The following EP400 variants were observed in gnomAD, a reference collection of about 807,000 sequenced individuals.
The protein encoded by EP400 is E1A-binding protein p400.
Under a neutral mutation model 354.1 loss-of-function variants are expected in EP400, and 105 were observed. The ratio of observed to expected loss-of-function variants is 0.30; its 90% CI spans 0.25 to 0.35. EP400 has a LOEUF of 0.35. Among genes scored for constraint, EP400 ranks in the 10% least tolerant of loss-of-function variants. The pLI is 1.00. For missense variants in EP400, 3,280 were observed against 4,121.0 expected (o/e 0.80, Z 5.59); for synonymous variants, 1,646 against 1,716.9 (o/e 0.96, Z 1.02).
Position 131,961,246 on chromosome 12 carries a change from C to T in EP400, c.627C>T (p.Leu209=). 6.8e-7 allele frequency: 1 copy of T among 1,466,290 alleles called. No homozygotes were observed. The allele number at this position is 1,466,290 out of a possible 1,614,324, so 90.8% of individuals were successfully genotyped here. ...TCGCCCAGGGAGCCCAGGTTCAGCT[C>T]CAGCACCCGGGTACGCCCATCACAG... The part of the protein sequence containing the change: ...TQIAQGAQVQ[L]QHPGTPITVR... The change falls in exon 2 of 53, where the codon CTC becomes CTT. Residue 209 remains leucine (L), a synonymous_variant. Coordinates refer to ENST00000389561, the MANE Select transcript of EP400 (RefSeq NM_015409.5).
Position 132,044,673 on chromosome 12 carries a change from G to A in EP400, c.6588G>A (p.Glu2196=). The change falls in exon 36 of 53, where the codon GAG becomes GAA. Residue 2196 remains glutamate (E), a splice_region_variant and synonymous_variant. Transcript: ENST00000389561. ...AGAGCTTGCCGTGTTCCCTACAGGA[G>A]TATGTCTACGAAGATGTCGATGGGC... ...TYTREDAYSM[E]YVYEDVDGQT... is the part of the protein sequence containing the mutation. 6.2e-7 allele frequency: 1 copy of A among 1,614,198 alleles called. No homozygotes were observed.
intron 12 of EP400, among the ~76,000 whole-genome samples, chr12:131,996,295 CTTT>C (rs575217796): frequency 2.3e-5 from 3 of 128,208 alleles, no homozygotes; most frequent in Non-Finnish European, 3.2e-5. Flanking sequence ...GGAAGGAACT[CTTT>C]TTTTTTTTTT....
In EP400 at chr12:132,013,724, CGT is replaced by C; in HGVS notation, c.3787-50_3787-49del. On this transcript the variant is annotated intron_variant, in intron 18 of 52. Coordinates refer to ENST00000389561, the MANE Select transcript of EP400 (RefSeq NM_015409.5). The surrounding 1 kb of genome is among the most constrained non-coding windows in gnomAD (Gnocchi z 4.5). ...AAACATGCGTATGCCTTGTTATAAA[CGT>C]GTTACAGCAGCATTTTTGGAAAGAA... 4 of 1,609,570 alleles carry C rather than the reference CGT, an allele frequency of 2.5e-6. No homozygotes were observed. Among genetic ancestry groups the C allele is most frequent in the Non-Finnish European group, 3.4e-6 (4 of 1,177,762 alleles).
intron 1 of EP400, among the ~76,000 whole-genome samples, chr12:131,952,209 A>C (rs1891528856): frequency 6.9e-6 from 1 of 145,216 alleles, no homozygotes; most frequent in Non-Finnish European, 1.5e-5. Flanking sequence ...AGGCTGAGGC[A>C]GGAGAATGGG....
chr12:132,059,903 G>A (rs1226250405), intron 45 of EP400, among the ~76,000 whole-genome samples: 2 of 151,770 alleles, frequency 1.3e-5, no homozygotes, highest in Non-Finnish European at 2.9e-5. Flanking sequence ...CGCGTGTGTA[G>A]TCCCAGCTAC....
At chr12:132,023,376 A>G (rs11246901) in intron 23 of EP400, among the ~76,000 whole-genome samples, 42,413 of 142,050 alleles carry the variant, frequency 0.3, 10,862 homozygotes, top group African/African-American at 0.71. Flanking sequence ...GGCTGGTCTC[A>G]AACTCCTGAC....
At chr12:131,966,082 T>C (rs1390052519) in intron 2 of EP400, among the ~76,000 whole-genome samples, 1 of 151,032 alleles carries the variant, frequency 6.6e-6, no homozygotes, top group Non-Finnish European at 1.5e-5. Context: ...TTTCTGGGTA[T>C]GTTGAACTTT....
chr12:131,991,581 T>C lies in EP400; in HGVS notation c.2679+125T>C, dbSNP rs567587821. 1,680 of 890,698 alleles carry C rather than the reference T, an allele frequency of 1.9e-3. 13 individuals carry two copies. Among genetic ancestry groups the C allele is most frequent in the Admixed American group, 0.018 (729 of 39,738 alleles). 55.2% of individuals were successfully genotyped at this position (890,698 alleles called of 1,614,324 possible). A position where few individuals can be genotyped will look rare whatever the true frequency, so the allele number is the denominator to read the frequency against. On this transcript the variant is annotated intron_variant, in intron 10 of 52. Coordinates refer to ENST00000389561, the MANE Select transcript of EP400 (RefSeq NM_015409.5). ...ACTATTACTTCCTTTCTTTTCTTTT[T>C]TTTTTTTTTTTGTTTTAGAGACAGA...
chr12:132,021,296 C>G lies in EP400; in HGVS notation c.4665C>G (p.Pro1555=), dbSNP rs1273702899. 1.3e-6 allele frequency: 2 copies of G among 1,525,844 alleles called. No homozygotes were observed. The highest frequency in any genetic ancestry group is 1.4e-5 in the African/African-American group (1 of 72,074). 94.5% of individuals were successfully genotyped at this position (1,525,844 alleles called of 1,614,324 possible). The change falls in exon 23 of 53, where the codon CCC becomes CCG. Residue 1555 remains proline (P), a synonymous_variant. Coordinates refer to ENST00000389561, the MANE Select transcript of EP400 (RefSeq NM_015409.5). The part of the protein sequence containing the change: ...QSALPQRLVL[P]SQAQARLPSG... ...CGCTGCCTCAGAGGCTGGTGCTCCCCTCGCAGGCCCAGGCCCGCTTGCCCA... is the reference window on the plus strand; with the variant it reads ...CGCTGCCTCAGAGGCTGGTGCTCCCGTCGCAGGCCCAGGCCCGCTTGCCCA...
chr12:132,043,858 T>C, intron 34 of EP400, 130 bp downstream of exon 34: 1 of 900,782 alleles, frequency 1.1e-6, no homozygotes, highest in Non-Finnish European at 1.7e-6. Context: ...GGAAATGAAC[T>C]TAAAATGAAG....
At position 132,018,147 on chromosome 12, in the gene EP400, T is replaced by A. The variant is rs1316500115; in HGVS notation, c.4111-63T>A. On this transcript the variant is annotated intron_variant, in intron 20 of 52. Transcript: ENST00000389561. The surrounding 1 kb of genome is among the most constrained non-coding windows in gnomAD (Gnocchi z 4.0). ...TAGGGCCCTGCCATAGAAATCAGTT[T>A]TGATTCTTAGGTGCTTTTTTTGCCT... The A allele has an allele frequency of 1.3e-6, 2 of 1,592,466 alleles. No individual in the cohort carries two copies. Among genetic ancestry groups the A allele is most frequent in the African/African-American group, 2.7e-5 (2 of 73,310 alleles).
At position 132,079,572 on chromosome 12, in the gene EP400, G is replaced by C. The variant is rs1039824259; in HGVS notation, c.*1899G>C. ...AAATCTTGGTAGTCTCCTTATAGTT[G>C]AAGATAAAATGTTGAGTGCACTTAT... On this transcript the variant is annotated 3_prime_UTR_variant, in exon 53 of 53. Transcript: ENST00000389561. 2.0e-5 allele frequency: 3 copies of C among 152,228 alleles called. No homozygotes were observed. Among genetic ancestry groups the C allele is most frequent in the Non-Finnish European group, 4.4e-5 (3 of 68,040 alleles). 9.4% of individuals were successfully genotyped at this position (152,228 alleles called of 1,614,324 possible).
intron 51 of EP400, among the ~76,000 whole-genome samples, chr12:132,073,386 C>T (rs892444157): frequency 1.3e-5 from 2 of 150,620 alleles, no homozygotes; most frequent in Admixed American, 6.6e-5. Context: ...CAGCAATGAT[C>T]TTATCACACA....
intron 30 of EP400, among the ~76,000 whole-genome samples, chr12:132,036,716 T>C (rs972220911): frequency 6.6e-6 from 1 of 152,274 alleles, no homozygotes; most frequent in Non-Finnish European, 1.5e-5. Context: ...GTTTTGTTTC[T>C]TATGCTTTTA....
Position 132,062,281 on chromosome 12 carries a change from G to A in EP400, c.8056G>A (p.Val2686Met), listed in dbSNP as rs765171771. The A allele has an allele frequency of 6.2e-7, 1 of 1,614,230 alleles. No homozygotes were observed. Among genetic ancestry groups the A allele is most frequent in the South Asian group, 1.1e-5 (1 of 91,088 alleles). The change falls in exon 46 of 53, where the codon GTG becomes ATG. Residue 2686 changes from valine (V) to methionine (M), a missense_variant. Coordinates refer to ENST00000389561, the MANE Select transcript of EP400 (RefSeq NM_015409.5). ...CGTGGTCACTACCAACCTGACCCCA[G>A]TGCAGACCCCGGCACGGTCTTTGGT... ...SAVVTTNLTP[V>M]QTPARSLVPQ...
chr12:132,024,806 C>T (rs1163930883), intron 24 of EP400, among the ~76,000 whole-genome samples: 1 of 151,296 alleles, frequency 6.6e-6, no homozygotes, highest in Non-Finnish European at 1.5e-5. Context: ...GCCTCCCCGC[C>T]ACCCCCCCAC....
At position 132,077,593 on chromosome 12, in the gene EP400, A is replaced by G. The variant is rs774498140; in HGVS notation, c.9292A>G (p.Ser3098Gly). The change falls in exon 53 of 53, where the codon AGC (serine) becomes GGC (glycine). Residue 3098 changes from serine (S) to glycine (G), a missense_variant. By Grantham distance (56) the Ser-to-Gly change is moderately conservative (BLOSUM62 0). Around this residue, in one of 20 missense-constraint regions of EP400, gnomAD observed 279 missense variants for 386.7 expected, o/e 0.72. Coordinates refer to ENST00000389561, the MANE Select transcript of EP400 (RefSeq NM_015409.5). ...NPAQVPASSD[S>G]PSQQPKLQMR... Reference sequence around the variant, plus strand: ...AGCCCAGGTGCCCGCCAGCTCCGACAGCCCAAGCCAGCAGCCCAAGTTACA... The same window carrying G: ...AGCCCAGGTGCCCGCCAGCTCCGACGGCCCAAGCCAGCAGCCCAAGTTACA... 1 of 1,614,014 alleles carries G rather than the reference A, an allele frequency of 6.2e-7. No homozygotes were observed. The highest frequency in any genetic ancestry group is 8.5e-7 in the Non-Finnish European group (1 of 1,179,968).
chr12:132,055,168 A>C lies in EP400; in HGVS notation c.7844A>C (p.Asn2615Thr), dbSNP rs751048956. The C allele has an allele frequency of 4.4e-6, 7 of 1,594,476 alleles. No individual in the cohort carries two copies. In the Admixed American group the frequency reaches 1.1e-4, roughly 24 times the overall value. ...CCAGCTGCCACCTTCCAGTCCATCA[A>C]CAAGCGCCTGGCGTCGCCAGTGGCT... The part of the protein sequence containing the change: ...GVPAATFQSI[N>T]KRLASPVAPG... The change falls in exon 45 of 53, where the codon AAC (asparagine) becomes ACC (threonine). Residue 2615 changes from asparagine (N) to threonine (T), a missense_variant. Coordinates refer to ENST00000389561, the MANE Select transcript of EP400 (RefSeq NM_015409.5).
Position 132,018,505 on chromosome 12 carries a change from GGT to G in EP400, c.4277+132_4277+133del. The G allele has an allele frequency of 7.6e-7, 1 of 1,321,134 alleles. No homozygotes were observed. The highest frequency in any genetic ancestry group is 1.5e-5 in the African/African-American group (1 of 67,218). The allele number at this position is 1,321,134 out of a possible 1,614,324, so 81.8% of individuals were successfully genotyped here. ...TATCTGCTGCTCTTGGGACCTTGCT[GGT>G]GTCCTTGGCTGTGGTATGCCTGGCT... On this transcript the variant is annotated intron_variant, in intron 21 of 52. Transcript: ENST00000389561. This position sits in a 1 kb window ranked among gnomAD's most constrained non-coding sequence, Gnocchi z 4.0.
Sources: allele counts gnomAD v4.1 joint callset (sites outside exome capture counted in the v4.1 genomes callset), GRCh38; gene constraint gnomAD v4.1.1; regional missense constraint gnomAD v4.1.1; non-coding constraint Gnocchi (gnomAD v3.1); transcripts MANE v1.5; gene names NCBI Gene and HGNC (gene_info 2026-07-23, HGNC 2026-07-21).